Variants in SNTG1 observed in about 807,000 individuals in gnomAD.
The protein encoded by SNTG1 is gamma-1-syntrophin.
In SNTG1, 39 loss-of-function variants were observed where a neutral mutation model predicts 74.7. That is an observed-to-expected ratio of 0.52 (90% confidence interval 0.40 to 0.68). The LOEUF (loss-of-function observed/expected upper bound fraction) is 0.68, where lower values mean the gene tolerates loss of function less well. Ranked by LOEUF, SNTG1 falls within the 30% of genes least tolerant of loss-of-function variation. SNTG1 has a pLI of 0.00. For synonymous variants in SNTG1, 254 were observed against 217.1 expected, an observed-to-expected ratio of 1.17 and a Z score of -1.49; for missense variants, 685 against 609.5, an observed-to-expected ratio of 1.12 and a Z score of -1.30.
chr8:50,450,513 A>G (rs755830375), intron 6 of SNTG1, 43 bp from the exon 7 acceptor site: 9 of 1,602,392 alleles, frequency 5.6e-6, no homozygotes, highest in Non-Finnish European at 7.7e-6. Flanking sequence ...TCTGCATAAC[A>G]AAAACAGTCA....
At chr8:49,993,831 A>G (rs1386033403) in intron 1 of SNTG1, among the ~76,000 whole-genome samples, 1 of 152,142 alleles carries the variant, frequency 6.6e-6, no homozygotes, top group Non-Finnish European at 1.5e-5. Flanking sequence ...GTTGGTCCCA[A>G]GTCTTTGTTA....
At chr8:50,493,933 A>T (rs899815151) in intron 8 of SNTG1, among the ~76,000 whole-genome samples, 5 of 151,884 alleles carry the variant, frequency 3.3e-5, no homozygotes, top group African/African-American at 1.2e-4. Flanking sequence ...AGGTAAATAA[A>T]AAATTGAAAT....
At chr8:50,584,894 G>A (rs2094637240) in intron 12 of SNTG1, among the ~76,000 whole-genome samples, 1 of 152,062 alleles carries the variant, frequency 6.6e-6, no homozygotes, top group South Asian at 2.1e-4. Context: ...ACTGACCTGG[G>A]TGGGCACTGG....
At chr8:50,552,909 A>G in intron 11 of SNTG1, 141 bp from the exon 12 acceptor site, 2 of 981,678 alleles carry the variant, frequency 2.0e-6, no homozygotes, top group Non-Finnish European at 2.9e-6. Context: ...AGAGATGCTT[A>G]TAAAGTCAGG....
At chr8:50,204,297 T>A (rs1403187230) in intron 2 of SNTG1, among the ~76,000 whole-genome samples, 4 of 152,140 alleles carry the variant, frequency 2.6e-5, no homozygotes. Context: ...ACATATCTTT[T>A]TTTTGTCCAG....
intron 1 of SNTG1, among the ~76,000 whole-genome samples, chr8:50,067,050 A>G (rs570243736): frequency 6.6e-6 from 1 of 152,270 alleles, no homozygotes; most frequent in East Asian, 1.9e-4. Flanking sequence ...TTTGAAAGAC[A>G]TATAAAGCCA....
In SNTG1 at chr8:50,780,970, T is replaced by C. The variant is rs189127031; in HGVS notation, c.1396-11701T>C. ...CTTTATTTCATTACGTACCGAGTAG[T>C]CATTCAGGAGCAGGTTGTTCAGTCT... is the stretch of plus-strand genomic sequence containing the variant. On this transcript the variant is annotated intron_variant, in intron 18 of 18. Coordinates refer to ENST00000642720, the MANE Select transcript of SNTG1 (RefSeq NM_018967.5). Among the ~76,000 whole-genome samples, 255 of 152,308 alleles carry C rather than the reference T, an allele frequency of 1.7e-3. 5 individuals are homozygous for C. Among genetic ancestry groups the C allele is most frequent in the Admixed American group, 0.016 (248 of 15,304 alleles).
intron 1 of SNTG1, among the ~76,000 whole-genome samples, chr8:50,066,644 C>T (rs1820923199): frequency 6.6e-6 from 1 of 152,180 alleles, no homozygotes; most frequent in Non-Finnish European, 1.5e-5. Context: ...CATGTGAGCT[C>T]ATAATTCCTT....
At chr8:50,657,188 G>C (rs1047736126) in intron 14 of SNTG1, among the ~76,000 whole-genome samples, 163 bp downstream of exon 14, 1 of 152,060 alleles carries the variant, frequency 6.6e-6, no homozygotes, top group Non-Finnish European at 1.5e-5. Context: ...TATATATTCT[G>C]ACATTAAACA....
intron 13 of SNTG1, among the ~76,000 whole-genome samples, chr8:50,620,237 T>G (rs2094912964): frequency 6.6e-6 from 1 of 152,168 alleles, no homozygotes. Flanking sequence ...CTTGTCTCTC[T>G]CCATCTTTAA....
At position 50,073,630 on chromosome 8, in the gene SNTG1, T is replaced by C. The variant is rs138959237; in HGVS notation, c.-102-98931T>C. On this transcript the variant is annotated intron_variant, in intron 1 of 18. Coordinates refer to ENST00000642720, the MANE Select transcript of SNTG1 (RefSeq NM_018967.5). ...AGAAGAATCACTATAGCCTTAGAAA[T>C]TGTATTTTGGAAATTATAATACCAG... Among the ~76,000 whole-genome samples, 533 of 152,162 alleles carry C rather than the reference T, an allele frequency of 3.5e-3. 4 individuals are homozygous for C. Among genetic ancestry groups the C allele is most frequent in the African/African-American group, 0.012 (514 of 41,516 alleles).
intron 8 of SNTG1, among the ~76,000 whole-genome samples, chr8:50,494,214 A>G (rs2093884187): frequency 6.6e-6 from 1 of 151,916 alleles, no homozygotes; most frequent in African/African-American, 2.4e-5. Context: ...ATTCATAATA[A>G]TTCATGGATA....
intron 1 of SNTG1, among the ~76,000 whole-genome samples, chr8:50,037,288 A>C (rs942323958): frequency 1.1e-4 from 16 of 152,192 alleles, no homozygotes; most frequent in Admixed American, 9.8e-4. Context: ...AGTGCTTCTC[A>C]ACCTTTATCA....
chr8:50,221,662 A>C (rs2085076074), intron 2 of SNTG1, among the ~76,000 whole-genome samples: 4 of 152,172 alleles, frequency 2.6e-5, no homozygotes, highest in African/African-American at 9.7e-5. Flanking sequence ...TGTGTGACCC[A>C]TTTAAAAAAT....
In SNTG1 at chr8:49,911,428, G is replaced by A. The variant is rs995020528; in HGVS notation, c.-906G>A. The A allele has an allele frequency of 6.6e-5, 10 of 151,890 alleles. No individual in the cohort carries two copies. Among genetic ancestry groups the A allele is most frequent in the Non-Finnish European group, 1.2e-4 (8 of 68,002 alleles). 9.4% of individuals were successfully genotyped at this position (151,890 alleles called of 1,614,324 possible). A position where few individuals can be genotyped will look rare whatever the true frequency, so the allele number is the denominator to read the frequency against. ...TTTCATTTCTGGCATTAGGAAACTC[G>A]TGCAGGGCCACTGAAAAGTCAGGGG... On this transcript the variant is annotated 5_prime_UTR_variant, in exon 1 of 19. It adds an upstream start codon to the 5' untranslated region. Coordinates refer to ENST00000642720, the MANE Select transcript of SNTG1 (RefSeq NM_018967.5).
intron 11 of SNTG1, among the ~76,000 whole-genome samples, chr8:50,544,786 C>T (rs909462413): frequency 2.6e-5 from 4 of 151,932 alleles, no homozygotes; most frequent in Non-Finnish European, 5.9e-5. Flanking sequence ...TTCACTCAAC[C>T]AATATTGACT....
chr8:50,683,404 T>C (rs2095339015), intron 15 of SNTG1, among the ~76,000 whole-genome samples: 1 of 152,146 alleles, frequency 6.6e-6, no homozygotes, highest in South Asian at 2.1e-4. Flanking sequence ...AGTCATTCTT[T>C]AGAAGAGGAC....
At position 50,553,145 on chromosome 8, in the gene SNTG1, T is replaced by G. The variant is rs752277950; in HGVS notation, c.776T>G (p.Ile259Arg). The change falls in exon 12 of 19, where the codon ATA becomes AGA. Residue 259 changes from isoleucine (I) to arginine (R), a missense_variant. By Grantham distance (97) the Ile-to-Arg change is moderately conservative. Coordinates refer to ENST00000642720, the MANE Select transcript of SNTG1 (RefSeq NM_018967.5). ...AEDCVDWLQA[I>R]ATNISNLTKH... is the part of the protein sequence containing the mutation. ...GACTGCGTTGACTGGCTACAAGCAA[T>G]AGCAACTAACATTTCAAATCTCACA... 6.2e-7 allele frequency: 1 copy of G among 1,613,876 alleles called. No homozygotes were observed. The highest frequency in any genetic ancestry group is 1.7e-4 in the Middle Eastern group (1 of 6,060).
At chr8:50,561,898 T>G (rs2094490432) in intron 12 of SNTG1, among the ~76,000 whole-genome samples, 1 of 152,224 alleles carries the variant, frequency 6.6e-6, no homozygotes. Flanking sequence ...GAACTCACTT[T>G]AATTATCTGT....
Sources: gnomAD v4.1 joint callset for allele counts (sites outside exome capture counted in the v4.1 genomes callset) on GRCh38, gnomAD v4.1.1 for gene constraint, MANE v1.5 for transcripts, NCBI Gene and HGNC (gene_info 2026-07-23, HGNC 2026-07-21) for gene names.